Variants in IL3RA observed in about 807,000 individuals in gnomAD.
The protein encoded by IL3RA is interleukin 3 receptor subunit alpha.
IL3RA carries 73 observed loss-of-function variants against 52.3 expected under a neutral mutation model. The observed-to-expected ratio is 1.40, with a 90% confidence interval of 1.16 to 1.70. IL3RA has a LOEUF of 1.70. IL3RA is among the 40% of genes most tolerant of loss of function. The probability of loss-of-function intolerance (pLI) is 0.00; values close to 1 mark genes in which losing one functional copy is unlikely to be tolerated. For missense variants in IL3RA, 664 were observed against 504.4 expected, an observed-to-expected ratio of 1.32 and a Z score of -3.03; for synonymous variants, 260 against 194.0, an observed-to-expected ratio of 1.34 and a Z score of -2.83.
intron 4 of IL3RA, among the ~76,000 whole-genome samples, 155 bp downstream of exon 4, chrX:1,348,700 C>CTTG (rs2085923434): frequency 1.0e-5 from 1 of 98,106 alleles, no homozygotes; most frequent in African/African-American, 5.4e-5. Context: ...CTTTTTCTTT[C>CTTG]TTTCTGTTTC....
intron 9 of IL3RA, among the ~76,000 whole-genome samples, chrX:1,368,214 G>A (rs1388132357): frequency 2.0e-5 from 3 of 151,578 alleles, no homozygotes; most frequent in African/African-American, 7.3e-5. Flanking sequence ...AGCCGAGATC[G>A]CGCCACTGTG....
chrX:1,344,812 T>G (rs1204156081), intron 2 of IL3RA, among the ~76,000 whole-genome samples: 2 of 151,018 alleles, frequency 1.3e-5, no homozygotes, highest in African/African-American at 4.9e-5. Flanking sequence ...GAACTCGACC[T>G]CCCAAAGGTA....
chrX:1,365,545 G>A (rs2087920017), intron 9 of IL3RA, among the ~76,000 whole-genome samples: 1 of 49,452 alleles, frequency 2.0e-5, no homozygotes, highest in East Asian at 4.7e-4. Flanking sequence ...AGCGGGGTGC[G>A]CGGGGTGAGC....
At chrX:1,377,007 C>A (rs1430435594) in intron 9 of IL3RA, among the ~76,000 whole-genome samples, 2 of 147,878 alleles carry the variant, frequency 1.4e-5, no homozygotes, top group Non-Finnish European at 3.0e-5. Flanking sequence ...CGCCCAGCCT[C>A]TGGTATTCTG....
chrX:1,359,468 C>T (rs1381816404), intron 8 of IL3RA, among the ~76,000 whole-genome samples: 2 of 151,648 alleles, frequency 1.3e-5, no homozygotes, highest in Non-Finnish European at 2.9e-5. Context: ...TGCCTTTCTC[C>T]CTCCCTCTCT....
intron 6 of IL3RA, among the ~76,000 whole-genome samples, chrX:1,353,809 C>CT (rs1391049499): frequency 6.7e-6 from 1 of 148,494 alleles, no homozygotes; most frequent in Non-Finnish European, 1.5e-5. Flanking sequence ...CATGGGACCC[C>CT]CCCCATCACG....
Position 1,338,893 on chromosome X carries a change from G to A in IL3RA, c.-39+1967G>A, listed in dbSNP as rs6422989. On this transcript the variant is annotated intron_variant, in intron 1 of 11. Coordinates refer to ENST00000331035, the MANE Select transcript of IL3RA (RefSeq NM_002183.4). ...CAGCTCACTGCAACCTCCACCTCCCGGGTTCAAGCAATTCTCCTGCCTCAG... is the reference window on the plus strand; with the variant it reads ...CAGCTCACTGCAACCTCCACCTCCCAGGTTCAAGCAATTCTCCTGCCTCAG... Among the ~76,000 whole-genome samples the A allele has an allele frequency of 6.9e-3, 1,053 of 152,128 alleles. 10 individuals carry two copies. The highest frequency in any genetic ancestry group is 0.024 in the African/African-American group (1,000 of 41,498).
At position 1,348,513 on chromosome X, in the gene IL3RA, C is replaced by A. The variant is rs1603443513; in HGVS notation, c.266C>A (p.Pro89Gln). The change falls in exon 4 of 12, where the codon CCA becomes CAA. Residue 89 changes from proline to glutamine, a missense_variant. Coordinates refer to ENST00000331035, the MANE Select transcript of IL3RA (RefSeq NM_002183.4). ...TACACCGTCCGAGTGGCCAACCCAC[C>A]ATTCTCCACGTGGATCCTCTTCCCT... is the stretch of plus-strand genomic sequence containing the variant. ...TNYTVRVANP[P>Q]FSTWILFPEN... 8.1e-6 allele frequency: 13 copies of A among 1,613,804 alleles called. No individual in the cohort carries two copies. Among genetic ancestry groups the A allele is most frequent in the East Asian group, 2.2e-5 (1 of 44,874 alleles).
At chrX:1,363,137 G>A (rs1353016542) in intron 8 of IL3RA, among the ~76,000 whole-genome samples, 2 of 151,730 alleles carry the variant, frequency 1.3e-5, no homozygotes, top group Non-Finnish European at 2.9e-5. Flanking sequence ...GATCCAAAAT[G>A]ACATCATCTC....
At chrX:1,359,649 C>T (rs185167274) in intron 8 of IL3RA, among the ~76,000 whole-genome samples, 1 of 147,908 alleles carries the variant, frequency 6.8e-6, no homozygotes, top group Admixed American at 6.8e-5. Flanking sequence ...TCTTTCTCTC[C>T]CTGTCTCTAT....
At chrX:1,343,835 A>G (rs1221085258) in intron 2 of IL3RA, among the ~76,000 whole-genome samples, 7 of 130,750 alleles carry the variant, frequency 5.4e-5, no homozygotes, top group South Asian at 2.4e-4. Flanking sequence ...TCGCTCTGTT[A>G]CCCAGGCTGG....
intron 10 of IL3RA, among the ~76,000 whole-genome samples, chrX:1,380,770 C>G (rs1471264122): frequency 1.1e-4 from 16 of 151,440 alleles, no homozygotes; most frequent in Non-Finnish European, 1.8e-4. Context: ...CACCAGGGGT[C>G]TGTCTTTGCA....
At chrX:1,344,306 C>T (rs1362882927) in intron 2 of IL3RA, among the ~76,000 whole-genome samples, 2 of 151,356 alleles carry the variant, frequency 1.3e-5, no homozygotes, top group African/African-American at 4.9e-5. Flanking sequence ...TGGTGGCAGG[C>T]ACCTGTTATC....
intron 1 of IL3RA, among the ~76,000 whole-genome samples, chrX:1,337,166 C>T (rs1438502830): frequency 1.3e-5 from 2 of 152,214 alleles, no homozygotes; most frequent in African/African-American, 4.8e-5. Context: ...GCCATCATAG[C>T]ATGTTAGATG....
intron 6 of IL3RA, among the ~76,000 whole-genome samples, chrX:1,354,428 G>A (rs1167455072): frequency 6.6e-6 from 1 of 151,034 alleles, no homozygotes; most frequent in Non-Finnish European, 1.5e-5. Context: ...AAGAGGAGGG[G>A]GAAACGAGGA....
intron 10 of IL3RA, 26 bp from the exon 11 acceptor site, chrX:1,380,997 G>A (rs1328041510): frequency 3.7e-6 from 6 of 1,605,604 alleles, no homozygotes; most frequent in African/African-American, 2.7e-5. Context: ...TGGGTTCAGA[G>A]CTGGGCCATT....
intron 1 of IL3RA, among the ~76,000 whole-genome samples, chrX:1,338,253 G>A (rs1293391500): frequency 6.7e-6 from 1 of 149,268 alleles, no homozygotes; most frequent in Non-Finnish European, 1.5e-5. Context: ...ATCTATAGAT[G>A]AATGGAAAAA....
chrX:1,343,666 CAAAAA>C (rs760518972), intron 2 of IL3RA, among the ~76,000 whole-genome samples: 1 of 68,656 alleles, frequency 1.5e-5, no homozygotes, highest in East Asian at 4.7e-4. Context: ...GGCTCCATCT[CAAAAA>C]AAAAAAAAAA....
At chrX:1,355,459 A>AGGAGGAGGGGGAGGAGGGGGAGGAGGG (rs1212040750) in intron 6 of IL3RA, among the ~76,000 whole-genome samples, 1 of 48,458 alleles carries the variant, frequency 2.1e-5, no homozygotes, top group Non-Finnish European at 3.9e-5. Context: ...CCAGGAGGGT[A>AGGAGGAGGGGGAGGAGGGGGAGGAGGG]GGAGGAGGGG....
Sources: allele counts gnomAD v4.1 joint callset (sites outside exome capture counted in the v4.1 genomes callset), GRCh38; gene constraint gnomAD v4.1.1; transcripts MANE v1.5; gene names NCBI Gene and HGNC (gene_info 2026-07-23, HGNC 2026-07-21).